DNAH3: variants seen among roughly 807,000 people sequenced by gnomAD.
The protein encoded by DNAH3 is dynein axonemal heavy chain 3, also known as axonemal beta dynein heavy chain 3.
In DNAH3, 332 loss-of-function variants were observed where a neutral mutation model predicts 432.5. The ratio of observed to expected loss-of-function variants is 0.77; its 90% CI spans 0.70 to 0.84. DNAH3 has a LOEUF of 0.84. Among genes scored for constraint, DNAH3 ranks in the 40% least tolerant of loss-of-function variants. The pLI, the probability that DNAH3 is intolerant of heterozygous loss-of-function variation, is 0.00. For synonymous variants in DNAH3, 1,956 were observed against 1,900.2 expected (o/e 1.03, Z -0.76); for missense variants, 4,861 against 5,114.0 (o/e 0.95, Z 1.51).
chr16:20,964,593 C>T (rs994898796), exon 53 of DNAH3: 2 of 1,614,074 alleles, frequency 1.2e-6, no homozygotes, highest in African/African-American at 2.7e-5. Context: ...GTTTATTCGC[C>T]TTCTCCATGT....
chr16:20,998,697 G>T (rs771876421), intron 43 of DNAH3, among the ~76,000 whole-genome samples: 73 of 126,462 alleles, frequency 5.8e-4, no homozygotes, highest in Admixed American at 1.4e-3. Context: ...CTTCGAGATC[G>T]CACCACTGCA....
intron 16 of DNAH3, among the ~76,000 whole-genome samples, chr16:21,102,975 C>T (rs1403643144): frequency 1.3e-5 from 2 of 151,466 alleles, no homozygotes; most frequent in Admixed American, 6.6e-5. Context: ...TCATGATCTG[C>T]CTGCCTCGGC....
chr16:21,076,953 G>T (rs1441315080), intron 20 of DNAH3, among the ~76,000 whole-genome samples: 2 of 151,990 alleles, frequency 1.3e-5, no homozygotes, highest in African/African-American at 4.8e-5. Flanking sequence ...CAGCATCCCT[G>T]GTCTCTACCC....
At chr16:21,000,182 T>C (rs1408662340) in intron 43 of DNAH3, 42 bp downstream of exon 43, 1 of 1,585,112 alleles carries the variant, frequency 6.3e-7, no homozygotes, top group Non-Finnish European at 8.6e-7. Context: ...CAGCTTATGG[T>C]GGAAGAATCT....
At chr16:21,059,414 G>A (rs1442406330) in intron 26 of DNAH3, among the ~76,000 whole-genome samples, 4 of 152,150 alleles carry the variant, frequency 2.6e-5, no homozygotes, top group Non-Finnish European at 4.4e-5. Flanking sequence ...CAGTCCCCAG[G>A]ACTTTAGTGT....
intron 55 of DNAH3, 60 bp from the exon 56 acceptor site, chr16:20,952,609 G>T: frequency 9.1e-7 from 1 of 1,098,438 alleles, no homozygotes; most frequent in Non-Finnish European, 1.4e-6. Flanking sequence ...TCCACTCAAA[G>T]ACCAAGCCGA....
chr16:21,003,004 C>T, intron 42 of DNAH3, 100 bp downstream of exon 42: 5 of 799,050 alleles, frequency 6.3e-6, no homozygotes, highest in Non-Finnish European at 1.1e-5. Context: ...CTAAAGAAAG[C>T]CCTTAAAACT....
intron 10 of DNAH3, among the ~76,000 whole-genome samples, chr16:21,121,470 A>G (rs1405873580): frequency 1.3e-5 from 2 of 152,226 alleles, no homozygotes; most frequent in East Asian, 3.8e-4. Context: ...GTTCTTGGCA[A>G]GTTAATGGCA....
chr16:20,966,140 C>T (rs1202291319), intron 52 of DNAH3, among the ~76,000 whole-genome samples: 43 of 140,494 alleles, frequency 3.1e-4, no homozygotes, highest in African/African-American at 1.0e-3. Flanking sequence ...TGGGTTCAAG[C>T]GATTCTCCTA....
At chr16:20,968,677 T>C (rs1201642265) in intron 52 of DNAH3, among the ~76,000 whole-genome samples, 1 of 150,754 alleles carries the variant, frequency 6.6e-6, no homozygotes, top group African/African-American at 2.4e-5. Context: ...CATCTGTCCC[T>C]CTCTCTCTCT....
intron 55 of DNAH3, 65 bp downstream of exon 55, chr16:20,954,748 A>C: frequency 6.4e-7 from 1 of 1,553,954 alleles, no homozygotes; most frequent in Admixed American, 1.9e-5. Context: ...ACGCACCTGG[A>C]AACACACCTA....
At chr16:21,115,940 C>A (rs2092189301) in intron 12 of DNAH3, among the ~76,000 whole-genome samples, 1 of 151,994 alleles carries the variant, frequency 6.6e-6, no homozygotes, top group Non-Finnish European at 1.5e-5. Context: ...TTTGGCCACA[C>A]CTGAAGACAT....
intron 38 of DNAH3, among the ~76,000 whole-genome samples, chr16:21,026,431 C>T (rs369191670): frequency 2.0e-5 from 3 of 152,020 alleles, no homozygotes; most frequent in Non-Finnish European, 2.9e-5. Flanking sequence ...TGGCTGGGCA[C>T]GGTGGCTCAT....
At chr16:21,044,965 C>T (rs1209793554) in intron 31 of DNAH3, among the ~76,000 whole-genome samples, 1 of 150,872 alleles carries the variant, frequency 6.6e-6, no homozygotes, top group Non-Finnish European at 1.5e-5. Context: ...TGTTTATATG[C>T]TGGATTACAT....
intron 52 of DNAH3, among the ~76,000 whole-genome samples, chr16:20,965,765 T>C (rs1420165710): frequency 6.6e-6 from 1 of 152,130 alleles, no homozygotes. Flanking sequence ...CAGGCTAGAG[T>C]TCAGTGGCAC....
chr16:20,988,321 G>A (rs1040039945), intron 44 of DNAH3, among the ~76,000 whole-genome samples: 3 of 152,170 alleles, frequency 2.0e-5, no homozygotes, highest in Admixed American at 1.3e-4. Flanking sequence ...AGTGGCTACC[G>A]TATTGCTCAG....
In DNAH3 at chr16:20,969,908, T is replaced by C. The variant is rs2085256179; in HGVS notation, c.8342A>G (p.Asp2781Gly). The C allele has an allele frequency of 1.2e-6, 2 of 1,614,114 alleles. No homozygotes were observed. Among genetic ancestry groups the C allele is most frequent in the Admixed American group, 1.7e-5 (1 of 60,012 alleles). Residue 2781 changes from aspartate (D) to glycine (G), a missense_variant, in exon 52 of 62, where the codon GAC becomes GGC. By Grantham distance (94) the Asp-to-Gly change is moderately conservative (BLOSUM62 -1). Coordinates refer to ENST00000261383, the Ensembl canonical transcript of DNAH3. ...CTGCATCGACTTCACCAGCGAGATG[T>C]CGGCCGGGTTCAGGGTGTCCAGAGC...
At chr16:21,049,578 G>C in exon 31 of DNAH3, 1 of 1,614,012 alleles carries the variant, frequency 6.2e-7, no homozygotes, top group Non-Finnish European at 8.5e-7. Context: ...CCTCGATCCT[G>C]TTGAACTCAT....
intron 3 of DNAH3, among the ~76,000 whole-genome samples, chr16:21,142,038 G>C (rs2092725828): frequency 6.6e-6 from 1 of 151,622 alleles, no homozygotes. Flanking sequence ...GGGCGACAGA[G>C]TGAGACTCCG....
Sources: gnomAD v4.1 joint callset for allele counts (sites outside exome capture counted in the v4.1 genomes callset) on GRCh38, gnomAD v4.1.1 for gene constraint, MANE v1.5 for transcripts, NCBI Gene and HGNC (gene_info 2026-07-23, HGNC 2026-07-21) for gene names.